The following NUP54 variants were observed in gnomAD, a reference collection of about 807,000 sequenced individuals.
NUP54 encodes the protein nucleoporin 54, also known as nucleoporin p54.
A neutral mutation model predicts 66.4 loss-of-function variants in NUP54; 27 were observed. The observed-to-expected ratio is 0.41, with a 90% CI of 0.30 to 0.56. NUP54 has a LOEUF of 0.56. NUP54 is among the 20% of genes least tolerant of loss of function. The pLI, the probability that NUP54 is intolerant of heterozygous loss-of-function variation, is 0.34. For missense variants in NUP54, 486 were observed against 596.3 expected, an observed-to-expected ratio of 0.82 and a Z score of 1.93; for synonymous variants, 206 against 210.7, an observed-to-expected ratio of 0.98 and a Z score of 0.19.
chr4:76,118,215 A>G, intron 9 of NUP54, 21 bp from the exon 10 acceptor site: 1 of 1,606,076 alleles, frequency 6.2e-7, no homozygotes, highest in Non-Finnish European at 8.5e-7. Flanking sequence ...AAAAACCACC[A>G]ATAACAACAG....
At chr4:76,133,049 T>C (rs11735037) in intron 5 of NUP54, among the ~76,000 whole-genome samples, 1 of 75,710 alleles carries the variant, frequency 1.3e-5, no homozygotes, top group East Asian at 8.9e-4. Context: ...ATATATATGA[T>C]ATATATATAT....
At chr4:76,136,729 C>T (rs934401692) in intron 3 of NUP54, among the ~76,000 whole-genome samples, 7 of 152,168 alleles carry the variant, frequency 4.6e-5, no homozygotes, top group South Asian at 4.2e-4. Context: ...GATGGAAGAG[C>T]CGCGAGCCAA....
At chr4:76,132,469 T>C in intron 6 of NUP54, 54 bp downstream of exon 6, 3 of 1,328,708 alleles carry the variant, frequency 2.3e-6, no homozygotes, top group Non-Finnish European at 3.0e-6. Flanking sequence ...ATACGGGGAG[T>C]GTTTAGTTCT....
chr4:76,139,069 T>A (rs530994353), intron 3 of NUP54, among the ~76,000 whole-genome samples: 1 of 152,310 alleles, frequency 6.6e-6, no homozygotes, highest in South Asian at 2.1e-4. Flanking sequence ...GCCTTTACTA[T>A]ACAAACTGTA....
chr4:76,146,759 A>T lies in NUP54; in HGVS notation c.67+1549T>A, dbSNP rs111946017. Among the ~76,000 whole-genome samples the T allele has an allele frequency of 5.0e-3, 763 of 152,300 alleles. 4 individuals are homozygous for T. Among genetic ancestry groups the T allele is most frequent in the Non-Finnish European group, 7.8e-3 (532 of 68,010 alleles). On this transcript the variant is annotated intron_variant, in intron 1 of 11. Transcript: ENST00000264883. ...GTATATATCATTATTGTTTTGCAAA[A>T]TTTCTAATGAGCTGCAAACAACCCA...
chr4:76,114,693 T>C lies in NUP54; in HGVS notation c.*673A>G, dbSNP rs1055763568. The stretch of plus-strand genomic sequence containing the variant: ...AGTAATTACAAATTAAGAATTTATT[T>C]ATAAGTTTTCATCTTTTTAGAAATA... On this transcript the variant is annotated 3_prime_UTR_variant, in exon 12 of 12. Coordinates refer to ENST00000264883, the MANE Select transcript of NUP54 (RefSeq NM_017426.4). 2 of 152,234 alleles carry C rather than the reference T, an allele frequency of 1.3e-5. No individual in the cohort carries two copies. The highest frequency in any genetic ancestry group is 2.9e-5 in the Non-Finnish European group (2 of 68,038). The allele number at this position is 152,234 out of a possible 1,614,324, so 9.4% of individuals were successfully genotyped here. A position where few individuals can be genotyped will look rare whatever the true frequency, so the allele number is the denominator to read the frequency against.
intron 3 of NUP54, 140 bp from the exon 4 acceptor site, chr4:76,136,552 A>G: frequency 1.6e-6 from 1 of 624,396 alleles, no homozygotes; most frequent in Non-Finnish European, 2.8e-6. Flanking sequence ...ATGTTATCTT[A>G]CATAGCAAAA....
chr4:76,142,402 T>C (rs932487985), intron 3 of NUP54, among the ~76,000 whole-genome samples: 1 of 152,222 alleles, frequency 6.6e-6, no homozygotes, highest in Non-Finnish European at 1.5e-5. Flanking sequence ...CTGAGTAGGA[T>C]GAATTTTAGC....
intron 8 of NUP54, among the ~76,000 whole-genome samples, chr4:76,124,988 G>A (rs867787718): frequency 6.6e-6 from 1 of 151,808 alleles, no homozygotes; most frequent in African/African-American, 2.4e-5. Flanking sequence ...TTAGCAATGA[G>A]GCAATACATA....
intron 3 of NUP54, among the ~76,000 whole-genome samples, chr4:76,138,853 G>C (rs757363841): frequency 2.6e-5 from 4 of 152,128 alleles, no homozygotes; most frequent in Non-Finnish European, 5.9e-5. Context: ...AAACTAGACT[G>C]GAGTGTCACA....
intron 11 of NUP54, among the ~76,000 whole-genome samples, chr4:76,116,152 T>C (rs1453398649): frequency 1.3e-5 from 2 of 152,234 alleles, no homozygotes; most frequent in Non-Finnish European, 2.9e-5. Flanking sequence ...GTGTTTAAAT[T>C]ATTCCCAGTT....
At chr4:76,123,450 C>T (rs11725358) in intron 9 of NUP54, among the ~76,000 whole-genome samples, 20,008 of 151,968 alleles carry the variant, frequency 0.13, 1,539 homozygotes, top group East Asian at 0.35. Flanking sequence ...ATAGAAAAAT[C>T]AAAATAAAAC....
chr4:76,123,499 C>T (rs1433524663), intron 9 of NUP54, among the ~76,000 whole-genome samples: 3 of 151,974 alleles, frequency 2.0e-5, no homozygotes, highest in African/African-American at 7.2e-5. Flanking sequence ...AAAGTACATG[C>T]AGCATCTTCT....
At chr4:76,123,685 T>C (rs1297232804) in intron 9 of NUP54, among the ~76,000 whole-genome samples, 1 of 152,094 alleles carries the variant, frequency 6.6e-6, no homozygotes, top group East Asian at 1.9e-4. Context: ...GCTGATTTTT[T>C]TGTATTTTAG....
At chr4:76,116,409 TTAGCTACC>T (rs1321635831) in intron 11 of NUP54, among the ~76,000 whole-genome samples, 1 of 152,202 alleles carries the variant, frequency 6.6e-6, no homozygotes, top group Non-Finnish European at 1.5e-5. Context: ...CCAACAGTCA[TTAGCTACC>T]TAGTATGTTC....
chr4:76,132,174 C>T (rs1269419891), intron 6 of NUP54: 1 of 159,084 alleles, frequency 6.3e-6, no homozygotes, highest in East Asian at 1.8e-4. Context: ...GAATATTTTA[C>T]AGTTAGAATA....
At chr4:76,138,881 C>T (rs1248189973) in intron 3 of NUP54, among the ~76,000 whole-genome samples, 1 of 152,192 alleles carries the variant, frequency 6.6e-6, no homozygotes, top group Non-Finnish European at 1.5e-5. Flanking sequence ...AGGTCTCCCA[C>T]TGGCCAAATG....
intron 8 of NUP54, among the ~76,000 whole-genome samples, chr4:76,129,966 G>GTTTTTTTTTTTTTTTTTTTTTT (rs775109047): frequency 3.5e-5 from 2 of 56,824 alleles, no homozygotes; most frequent in Admixed American, 3.3e-4. Flanking sequence ...AATTATGAAA[G>GTTTTTTTTTTTTTTTTTTTTTT]TTTTTTTTTT....
chr4:76,130,984 T>C (rs562657818), intron 7 of NUP54: 376 of 600,236 alleles, frequency 6.3e-4, no homozygotes, highest in Non-Finnish European at 1.0e-3. Flanking sequence ...AAAACGCAAA[T>C]AGAATTTTCC....
Sources: allele counts gnomAD v4.1 joint callset (sites outside exome capture counted in the v4.1 genomes callset), GRCh38; gene constraint gnomAD v4.1.1; transcripts MANE v1.5; gene names NCBI Gene and HGNC (gene_info 2026-07-23, HGNC 2026-07-21).